Variants in BNC2 observed in about 807,000 individuals in gnomAD.
BNC2 encodes basonuclin zinc finger protein 2, also known as zinc finger protein basonuclin-2.
In BNC2, 20 loss-of-function variants were observed where a neutral mutation model predicts 76.3. The observed-to-expected ratio is 0.26, with a 90% CI of 0.18 to 0.38. BNC2 has a LOEUF of 0.38. Among genes scored for constraint, BNC2 ranks in the 10% least tolerant of loss-of-function variants. The pLI is 1.00. For synonymous variants in BNC2, 582 were observed against 514.8 expected, an observed-to-expected ratio of 1.13 and a Z score of -1.77; for missense variants, 1,382 against 1,399.8, an observed-to-expected ratio of 0.99 and a Z score of 0.20.
At chr9:16,845,447 C>A (rs1031070234) in intron 1 of BNC2, among the ~76,000 whole-genome samples, 2 of 152,124 alleles carry the variant, frequency 1.3e-5, no homozygotes, top group Non-Finnish European at 2.9e-5. Context: ...ATTGGCCGGG[C>A]GCGGTGGCTC....
intron 1 of BNC2, among the ~76,000 whole-genome samples, chr9:16,841,058 G>A (rs761323568): frequency 2.6e-5 from 4 of 152,114 alleles, no homozygotes; most frequent in Admixed American, 6.5e-5. Flanking sequence ...TACTTCACGG[G>A]CAGAAATGAC....
chr9:16,869,508 A>G (rs1475803454), intron 1 of BNC2, among the ~76,000 whole-genome samples: 1 of 152,156 alleles, frequency 6.6e-6, no homozygotes, highest in Non-Finnish European at 1.5e-5. Context: ...GAGATGTCAC[A>G]TTAGGGAGCA....
rs1047360154 is a variant in BNC2 at position 16,414,418 on chromosome 9, A to G, written c.*4571T>C. 2.6e-5 allele frequency: 4 copies of G among 152,174 alleles called. No individual in the cohort carries two copies. Among genetic ancestry groups the G allele is most frequent in the Admixed American group, 2.6e-4 (4 of 15,278 alleles). The allele number at this position is 152,174 out of a possible 1,614,324, so 9.4% of individuals were successfully genotyped here. A position where few individuals can be genotyped will look rare whatever the true frequency, so the allele number is the denominator to read the frequency against. The stretch of plus-strand genomic sequence containing the variant: ...TCTTACTCATTTAGATCCATCCCCA[A>G]AAAATAAACAATGAGAGGGAAAAGC... On this transcript the variant is annotated 3_prime_UTR_variant, in exon 7 of 7. Coordinates refer to ENST00000380672, the MANE Select transcript of BNC2 (RefSeq NM_017637.6).
chr9:16,810,275 C>T (rs967402814), intron 1 of BNC2, among the ~76,000 whole-genome samples: 27 of 152,276 alleles, frequency 1.8e-4, no homozygotes, highest in African/African-American at 6.5e-4. Context: ...ATTTTCTCCC[C>T]GTTCATTTAC....
intron 5 of BNC2, among the ~76,000 whole-genome samples, chr9:16,542,928 A>T (rs541062393): frequency 1.3e-5 from 2 of 152,338 alleles, no homozygotes; most frequent in Admixed American, 1.3e-4. Context: ...ACTCAAAAGA[A>T]ACAGATAGTA....
chr9:16,715,455 C>T (rs887537669), intron 3 of BNC2, among the ~76,000 whole-genome samples: 1 of 152,174 alleles, frequency 6.6e-6, no homozygotes, highest in Non-Finnish European at 1.5e-5. Flanking sequence ...TTATCTTCAT[C>T]CATTAAAATA....
chr9:16,488,238 G>C (rs7872452), intron 5 of BNC2, among the ~76,000 whole-genome samples: 76,925 of 151,936 alleles, frequency 0.51, 23,915 homozygotes, highest in African/African-American at 0.87. Context: ...TCTCCCCAAC[G>C]TACTATATCT....
rs554006757 is a variant in BNC2, at chr9:16,569,509, T to C, written c.433+13474A>G. On this transcript the variant is annotated intron_variant, in intron 4 of 6. Coordinates refer to ENST00000380672, the MANE Select transcript of BNC2 (RefSeq NM_017637.6). ...TTTCAAACTGAATGGCATTTCCCCC[T>C]GTGGCCTTACGCATAATAAAGTCCT... Among the ~76,000 whole-genome samples, 26 of 152,264 alleles carry C rather than the reference T, an allele frequency of 1.7e-4. No individual in the cohort carries two copies. The South Asian group carries it at 5.4e-3, about 32-fold the overall frequency.
chr9:16,451,034 C>G (rs1430272680), intron 5 of BNC2, among the ~76,000 whole-genome samples: 4 of 146,326 alleles, frequency 2.7e-5, no homozygotes, highest in African/African-American at 1.0e-4. Context: ...GGATGTACAG[C>G]TGAGTAAAGT....
intron 5 of BNC2, among the ~76,000 whole-genome samples, chr9:16,448,267 T>C (rs893964651): frequency 6.6e-6 from 1 of 152,138 alleles, no homozygotes; most frequent in Admixed American, 6.6e-5. Flanking sequence ...TAAACATAAA[T>C]GCCAGAGTCC....
At chr9:16,543,310 A>C (rs557574987) in intron 5 of BNC2, among the ~76,000 whole-genome samples, 12 of 152,294 alleles carry the variant, frequency 7.9e-5, no homozygotes, top group Admixed American at 5.9e-4. Context: ...CTAGAGAGTT[A>C]ATTGGTGCTA....
Position 16,711,300 on chromosome 9 carries a change from A to G in BNC2, c.330+16497T>C, listed in dbSNP as rs189482682. On this transcript the variant is annotated intron_variant, in intron 3 of 6. Transcript: ENST00000380672. Reference sequence around the variant, plus strand: ...AGGGGGGGCGGTTGTTACAAAGATCAGGGGAATTATCTGGCTGTGGTTGAT... The same window carrying G: ...AGGGGGGGCGGTTGTTACAAAGATCGGGGGAATTATCTGGCTGTGGTTGAT... 1.4e-3 allele frequency among the ~76,000 whole-genome samples: 208 copies of G among 152,330 alleles called. 1 individual carries two copies. Among genetic ancestry groups the G allele is most frequent in the Non-Finnish European group, 2.2e-3 (148 of 68,036 alleles).
intron 3 of BNC2, among the ~76,000 whole-genome samples, chr9:16,680,082 T>C (rs1822777784): frequency 1.3e-5 from 2 of 152,246 alleles, no homozygotes; most frequent in African/African-American, 4.8e-5. Context: ...ACTGTCCTCA[T>C]GTTCAACTGT....
At chr9:16,663,126 TACTC>T (rs796153418) in intron 3 of BNC2, among the ~76,000 whole-genome samples, 29 of 128,210 alleles carry the variant, frequency 2.3e-4, no homozygotes, top group African/African-American at 7.9e-4. Flanking sequence ...CCACTCTGTT[TACTC>T]TTTTTTTTTT....
At chr9:16,515,453 G>C (rs78921037) in intron 5 of BNC2, among the ~76,000 whole-genome samples, 4 of 152,136 alleles carry the variant, frequency 2.6e-5, no homozygotes, top group Admixed American at 6.5e-5. Context: ...CGGCACCAAA[G>C]CCTCCCTCAC....
intron 3 of BNC2, chr9:16,704,686 TTTTTTAAAAA>T (rs1203890489): frequency 6.9e-5 from 2 of 28,784 alleles, no homozygotes; most frequent in Admixed American, 4.9e-4. Flanking sequence ...AATGGTTTTT[TTTTTTAAAAA>T]AAAAAAAAAA....
intron 1 of BNC2, among the ~76,000 whole-genome samples, chr9:16,853,893 G>A (rs948959290): frequency 2.0e-5 from 3 of 152,122 alleles, no homozygotes; most frequent in Non-Finnish European, 4.4e-5. Flanking sequence ...AATAAAATTT[G>A]GAGTTCATTA....
rs148705430 is a variant in BNC2, at chr9:16,412,984, TGTC to T, written c.*6002_*6004del. ...AGCTGGGCTGAAGCAGAGAGGGTGT[TGTC>T]TGCTGTTAGTGTGACAGTCTTGTCA... On this transcript the variant is annotated 3_prime_UTR_variant, in exon 7 of 7. Coordinates refer to ENST00000380672, the MANE Select transcript of BNC2 (RefSeq NM_017637.6). 205 of 152,796 alleles carry T rather than the reference TGTC, an allele frequency of 1.3e-3. No individual in the cohort carries two copies. The highest frequency in any genetic ancestry group is 4.7e-3 in the African/African-American group (194 of 41,570). 9.5% of individuals were successfully genotyped at this position (152,796 alleles called of 1,614,324 possible). A position where few individuals can be genotyped will look rare whatever the true frequency, so the allele number is the denominator to read the frequency against.
At chr9:16,793,226 C>T (rs1817559489) in intron 1 of BNC2, among the ~76,000 whole-genome samples, 1 of 152,206 alleles carries the variant, frequency 6.6e-6, no homozygotes, top group African/African-American at 2.4e-5. Flanking sequence ...TTTCTCAACA[C>T]TTTACATTCT....
Sources: allele counts gnomAD v4.1 joint callset (sites outside exome capture counted in the v4.1 genomes callset), GRCh38; gene constraint gnomAD v4.1.1; transcripts MANE v1.5; gene names NCBI Gene and HGNC (gene_info 2026-07-23, HGNC 2026-07-21).